Variants in DMXL2 observed in about 807,000 individuals in gnomAD.
DMXL2 encodes the protein Dmx like 2, also known as dmX-like protein 2.
In DMXL2, 103 loss-of-function variants were observed where a neutral mutation model predicts 331.1. The observed-to-expected ratio is 0.31, with a 90% confidence interval of 0.27 to 0.37. The LOEUF is 0.37. Ranked by LOEUF, DMXL2 falls within the 10% of genes least tolerant of loss-of-function variation. The pLI, the probability that DMXL2 is intolerant of heterozygous loss-of-function variation, is 1.00. For synonymous variants in DMXL2, 1,281 were observed against 1,252.1 expected (o/e 1.02, Z -0.49); for missense variants, 3,171 against 3,642.9 (o/e 0.87, Z 3.33).
chr15:51,545,914 G>A (rs993355936), intron 7 of DMXL2, 148 bp from the exon 8 acceptor site: 1 of 591,002 alleles, frequency 1.7e-6, no homozygotes, highest in East Asian at 2.9e-5. Flanking sequence ...ATCATATATA[G>A]CATCACTGTG....
intron 13 of DMXL2, among the ~76,000 whole-genome samples, chr15:51,521,358 T>C (rs2047351668): frequency 2.0e-5 from 3 of 151,506 alleles, no homozygotes; most frequent in Non-Finnish European, 2.9e-5. Flanking sequence ...TGAGTTAATA[T>C]ATATAAAACA....
intron 6 of DMXL2, among the ~76,000 whole-genome samples, chr15:51,551,537 A>G (rs1256612474): frequency 6.6e-6 from 1 of 152,188 alleles, no homozygotes; most frequent in African/African-American, 2.4e-5. Flanking sequence ...GATTATGTCC[A>G]GATACAGATT....
At chr15:51,538,152 A>G in intron 10 of DMXL2, 61 bp downstream of exon 10, 2 of 1,541,376 alleles carry the variant, frequency 1.3e-6, no homozygotes, top group Non-Finnish European at 1.7e-6. Context: ...CAAAACTAAA[A>G]GTGGTACCAC....
chr15:51,596,043 T>G (rs2052776010), intron 1 of DMXL2, among the ~76,000 whole-genome samples: 1 of 152,120 alleles, frequency 6.6e-6, no homozygotes, highest in Non-Finnish European at 1.5e-5. Context: ...CCAAAAGCAG[T>G]GGCAACAAAA....
intron 28 of DMXL2, among the ~76,000 whole-genome samples, chr15:51,471,934 G>A (rs999617586): frequency 1.3e-5 from 2 of 152,128 alleles, no homozygotes; most frequent in African/African-American, 4.8e-5. Flanking sequence ...CAAGTCTGTG[G>A]CTATGAACCT....
In DMXL2 at chr15:51,618,380, A is replaced by G. The variant is rs138219652; in HGVS notation, c.87+4079T>C. Among the ~76,000 whole-genome samples, 91 of 152,128 alleles carry G rather than the reference A, an allele frequency of 6.0e-4. No individual in the cohort carries two copies. The East Asian group carries it at 0.017, about 28-fold the overall frequency. ...TGTGTTCAACATTTGCTAAATGTAT[A>G]AACTGGTTGATCATTTTCAAGGTTT... On this transcript the variant is annotated intron_variant, in intron 1 of 43. Transcript: ENST00000560891.
In DMXL2 at chr15:51,536,187, G is replaced by A. The variant is rs1228598184; in HGVS notation, c.2293C>T (p.Leu765Phe). 1.3e-6 allele frequency: 2 copies of A among 1,594,164 alleles called. No homozygotes were observed. The highest frequency in any genetic ancestry group is 1.7e-6 in the Non-Finnish European group (2 of 1,171,678). ...AFSNVAWLPT[L>F]IPSYCLGTYC... ...TTACCTAGACAGTAACTGGGAATGAGAGTTGGAAGCCAAGCCACATTAGAG... is the reference window on the plus strand; with the variant it reads ...TTACCTAGACAGTAACTGGGAATGAAAGTTGGAAGCCAAGCCACATTAGAG... The change falls in exon 12 of 44, where the codon CTC becomes TTC. Residue 765 changes from leucine (L) to phenylalanine (F), a missense_variant. This residue lies in a region of DMXL2 where 1,674 missense variants were observed against 1,780.2 expected (regional missense o/e 0.94). Coordinates refer to ENST00000560891, the MANE Select transcript of DMXL2 (RefSeq NM_001378457.1).
At chr15:51,534,607 T>C (rs1356898259) in intron 13 of DMXL2, among the ~76,000 whole-genome samples, 1 of 152,182 alleles carries the variant, frequency 6.6e-6, no homozygotes, top group Non-Finnish European at 1.5e-5. Flanking sequence ...CCAGGTGACC[T>C]TTAAAATATC....
chr15:51,587,320 C>A (rs893799467), intron 1 of DMXL2, among the ~76,000 whole-genome samples: 3 of 151,846 alleles, frequency 2.0e-5, no homozygotes, highest in African/African-American at 7.3e-5. Context: ...CCTCCCCCGT[C>A]CCCCCACCCC....
At chr15:51,538,893 T>C (rs1466447244) in intron 9 of DMXL2, among the ~76,000 whole-genome samples, 5 of 152,142 alleles carry the variant, frequency 3.3e-5, no homozygotes, top group Admixed American at 3.3e-4. Context: ...CCATGATAGG[T>C]GTAACTTACT....
intron 37 of DMXL2, 21 bp downstream of exon 37, chr15:51,457,307 A>T: frequency 6.2e-7 from 1 of 1,604,502 alleles, no homozygotes; most frequent in Non-Finnish European, 8.5e-7. Context: ...CAGAAATGAT[A>T]CCTATAAGTA....
At chr15:51,508,023 T>C (rs985931212) in intron 15 of DMXL2, among the ~76,000 whole-genome samples, 1 of 152,170 alleles carries the variant, frequency 6.6e-6, no homozygotes, top group Non-Finnish European at 1.5e-5. Context: ...GACAACATAT[T>C]GGTAATGAGC....
At chr15:51,525,250 G>GTAC (rs2047604300) in intron 13 of DMXL2, among the ~76,000 whole-genome samples, 1 of 152,012 alleles carries the variant, frequency 6.6e-6, no homozygotes, top group African/African-American at 2.4e-5. Context: ...CAATATCCAG[G>GTAC]TACTGTGCCA....
At chr15:51,487,853 T>C in intron 22 of DMXL2, 101 bp downstream of exon 22, 4 of 989,646 alleles carry the variant, frequency 4.0e-6, no homozygotes, top group Non-Finnish European at 5.7e-6. Flanking sequence ...AGTTATTCTG[T>C]GTCCTAACAA....
intron 1 of DMXL2, among the ~76,000 whole-genome samples, chr15:51,604,118 C>T (rs1320662498): frequency 2.0e-5 from 3 of 151,892 alleles, no homozygotes; most frequent in Non-Finnish European, 4.4e-5. Flanking sequence ...AACTCAATCA[C>T]GGCAATCCAC....
chr15:51,457,196 T>C, intron 37 of DMXL2, 132 bp downstream of exon 37: 1 of 948,588 alleles, frequency 1.1e-6, no homozygotes, highest in Non-Finnish European at 1.5e-6. Flanking sequence ...ACAATAAATG[T>C]CAGCTGTCAT....
chr15:51,474,870 A>G (rs1247378688), intron 27 of DMXL2, among the ~76,000 whole-genome samples: 2 of 152,230 alleles, frequency 1.3e-5, no homozygotes. Flanking sequence ...AAAATGAGTG[A>G]TAGTGTTAGA....
chr15:51,506,734 T>TCA (rs2046426422), intron 16 of DMXL2, among the ~76,000 whole-genome samples: 1 of 152,176 alleles, frequency 6.6e-6, no homozygotes, highest in Non-Finnish European at 1.5e-5. Context: ...ATTACAGGCG[T>TCA]GAGCCACCGC....
chr15:51,582,939 T>G (rs576369837), intron 1 of DMXL2, among the ~76,000 whole-genome samples: 1 of 152,048 alleles, frequency 6.6e-6, no homozygotes, highest in East Asian at 1.9e-4. Context: ...TAATTACCTA[T>G]GAACCCTTCC....
Sources: gnomAD v4.1 joint callset for allele counts (sites outside exome capture counted in the v4.1 genomes callset) on GRCh38, gnomAD v4.1.1 for gene constraint, gnomAD v4.1.1 regional missense constraint, MANE v1.5 for transcripts, NCBI Gene and HGNC (gene_info 2026-07-23, HGNC 2026-07-21) for gene names.